The following PLD5 variants were observed in gnomAD, a reference collection of about 807,000 sequenced individuals.
The protein encoded by PLD5 is phospholipase D family member 5.
Under a neutral mutation model 61.1 loss-of-function variants are expected in PLD5, and 36 were observed. That is an observed-to-expected ratio of 0.59 (90% CI 0.45 to 0.78). The LOEUF (loss-of-function observed/expected upper bound fraction) is 0.78, where lower values mean the gene tolerates loss of function less well. Among genes scored for constraint, PLD5 ranks in the 30% least tolerant of loss-of-function variants. The pLI, the probability that PLD5 is intolerant of heterozygous loss-of-function variation, is 0.00. For synonymous variants in PLD5, 243 were observed against 242.8 expected, an observed-to-expected ratio of 1.00 and a Z score of -0.01; for missense variants, 515 against 644.4, an observed-to-expected ratio of 0.80 and a Z score of 2.17.
At chr1:242,103,520 G>A (rs1660836211) in intron 8 of PLD5, among the ~76,000 whole-genome samples, 1 of 152,188 alleles carries the variant, frequency 6.6e-6, no homozygotes, top group South Asian at 2.1e-4. Context: ...GTATGCCACT[G>A]TAATTATCTG....
chr1:242,457,170 T>A (rs543048087), intron 1 of PLD5, among the ~76,000 whole-genome samples: 1 of 152,302 alleles, frequency 6.6e-6, no homozygotes, highest in East Asian at 1.9e-4. Flanking sequence ...TGGTCCAGCC[T>A]ATTGTAGTAA....
intron 5 of PLD5, among the ~76,000 whole-genome samples, chr1:242,182,759 C>A (rs1318461545): frequency 6.6e-6 from 1 of 152,224 alleles, no homozygotes; most frequent in Non-Finnish European, 1.5e-5. Flanking sequence ...ACAGGAATCT[C>A]TTGAACCCAG....
At chr1:242,099,131 AT>A (rs992409824) in intron 9 of PLD5, among the ~76,000 whole-genome samples, 8 of 151,318 alleles carry the variant, frequency 5.3e-5, no homozygotes, top group Admixed American at 4.6e-4. Flanking sequence ...TTTTATTTTT[AT>A]TTTTTTTGAG....
intron 4 of PLD5, among the ~76,000 whole-genome samples, chr1:242,241,868 A>AATATATATAT (rs1672030581): frequency 1.2e-5 from 1 of 84,798 alleles, no homozygotes; most frequent in African/African-American, 3.9e-5. Context: ...TGCTTTACTT[A>AATATATATAT]CTATATATAT....
At chr1:242,494,836 T>G (rs1192534967) in intron 1 of PLD5, among the ~76,000 whole-genome samples, 6 of 151,760 alleles carry the variant, frequency 4.0e-5, no homozygotes, top group Admixed American at 1.3e-4. Flanking sequence ...TAGTGGGCTA[T>G]TTGAAAATTG....
Position 242,265,378 on chromosome 1 carries a change from A to G in PLD5, c.566T>C (p.Val189Ala). The change falls in exon 4 of 10, where the codon GTA becomes GCA. Residue 189 changes from valine to alanine, a missense_variant. Val to Ala is a moderately conservative substitution (Grantham distance 64). Around this residue, in one of 2 missense-constraint regions of PLD5, gnomAD observed 450 missense variants for 598.1 expected, o/e 0.75. Coordinates refer to ENST00000536534, the MANE Select transcript of PLD5 (RefSeq NM_001372062.1). ...TTCTAATACCTTTGAATCAGCTGTTACATCACTCACTAGCTTGATTTCAAT... is the reference window on the plus strand; with the variant it reads ...TTCTAATACCTTTGAATCAGCTGTTGCATCACTCACTAGCTTGATTTCAAT... ...QNIEIKLVSD[V>A]TADSKVLEAL... The G allele has an allele frequency of 6.2e-7, 1 of 1,612,920 alleles. No individual in the cohort carries two copies. Among genetic ancestry groups the G allele is most frequent in the South Asian group, 1.1e-5 (1 of 90,648 alleles).
intron 4 of PLD5, among the ~76,000 whole-genome samples, chr1:242,242,002 T>G (rs1558388002): frequency 8.2e-6 from 1 of 121,960 alleles, no homozygotes; most frequent in African/African-American, 3.4e-5. Context: ...TATATATATA[T>G]ATATATATAG....
intron 5 of PLD5, among the ~76,000 whole-genome samples, chr1:242,198,070 CTGAA>C (rs58830670): frequency 0.039 from 5,921 of 150,454 alleles, 316 homozygotes; most frequent in African/African-American, 0.12. Context: ...CAAATCCTTG[CTGAA>C]TGAATGAATG....
At chr1:242,528,887 G>A (rs748196878), upstream of PLD5, among the ~76,000 whole-genome samples, 11 of 152,152 alleles carry the variant, frequency 7.2e-5, no homozygotes, top group Non-Finnish European at 1.5e-4. Context: ...GTGTAGTGTT[G>A]CCAAGTATTA....
chr1:242,139,612 C>T (rs1233882247), intron 5 of PLD5, among the ~76,000 whole-genome samples: 7 of 152,068 alleles, frequency 4.6e-5, no homozygotes, highest in Admixed American at 4.6e-4. Flanking sequence ...CACACGGGCT[C>T]CTCTCCCTGC....
In PLD5 at chr1:242,085,989, A is replaced by G. The variant is rs551599912; in HGVS notation, c.*3865T>C. The G allele has an allele frequency of 6.6e-6, 1 of 152,316 alleles. No homozygotes were observed. Among genetic ancestry groups the G allele is most frequent in the Admixed American group, 6.5e-5 (1 of 15,306 alleles). The allele number at this position is 152,316 out of a possible 1,614,324, so 9.4% of individuals were successfully genotyped here. ...TCCCCCCTTGGAATTTAGTTCAATA[A>G]AAGTTCCTAAAAACAAACAGAATGA... On this transcript the variant is annotated 3_prime_UTR_variant, in exon 10 of 10. Coordinates refer to ENST00000536534, the MANE Select transcript of PLD5 (RefSeq NM_001372062.1).
intron 4 of PLD5, among the ~76,000 whole-genome samples, chr1:242,238,125 C>T (rs1262528952): frequency 1.3e-5 from 2 of 152,104 alleles, no homozygotes; most frequent in African/African-American, 4.8e-5. Flanking sequence ...GACTGATATA[C>T]TTCATATTCA....
At chr1:242,397,758 T>C (rs1663677926) in intron 1 of PLD5, among the ~76,000 whole-genome samples, 1 of 149,450 alleles carries the variant, frequency 6.7e-6, no homozygotes, top group Admixed American at 6.9e-5. Flanking sequence ...TGGAGCTTCT[T>C]AGCACGTCTT....
intron 1 of PLD5, among the ~76,000 whole-genome samples, chr1:242,417,815 T>G (rs1026055608): frequency 6.6e-6 from 1 of 152,082 alleles, no homozygotes; most frequent in African/African-American, 2.4e-5. Flanking sequence ...GGAGGTGATA[T>G]GGGATAGAGC....
At chr1:242,442,262 T>G (rs1465027334) in intron 1 of PLD5, among the ~76,000 whole-genome samples, 1 of 152,180 alleles carries the variant, frequency 6.6e-6, no homozygotes, top group African/African-American at 2.4e-5. Context: ...CTTCACATAC[T>G]CATTGTCATG....
intron 1 of PLD5, among the ~76,000 whole-genome samples, chr1:242,435,971 T>C (rs771598919): frequency 4.6e-5 from 7 of 152,286 alleles, no homozygotes; most frequent in Middle Eastern, 6.8e-3. Context: ...ACAAGTGCAA[T>C]GACCTGCACA....
chr1:242,297,907 G>A (rs541330699), intron 2 of PLD5, among the ~76,000 whole-genome samples: 1 of 152,090 alleles, frequency 6.6e-6, no homozygotes, highest in East Asian at 1.9e-4. Flanking sequence ...CCAAAGTGCT[G>A]GGATTACAGG....
In PLD5 at chr1:242,377,249, G is replaced by A. The variant is rs1462141329; in HGVS notation, c.190-29007C>T. The A allele has an allele frequency of 3.1e-6, 5 of 1,610,716 alleles. No homozygotes were observed. In the South Asian group the frequency reaches 4.4e-5, roughly 14 times the overall value. On this transcript the variant is annotated intron_variant, in intron 1 of 9. Coordinates refer to ENST00000536534, the MANE Select transcript of PLD5 (RefSeq NM_001372062.1). ...AAGAACCATCCGATTTGTGCTGAGG[G>A]ACGTGTTCGTGGAACTGCAGCAGGT...
At chr1:242,508,211 A>C (rs1668790637) in intron 1 of PLD5, among the ~76,000 whole-genome samples, 1 of 143,218 alleles carries the variant, frequency 7.0e-6, no homozygotes, top group African/African-American at 2.8e-5. Flanking sequence ...TAAAAATACA[A>C]AAAAAAAAAA....
Sources: gnomAD v4.1 joint callset for allele counts (sites outside exome capture counted in the v4.1 genomes callset) on GRCh38, gnomAD v4.1.1 for gene constraint, gnomAD v4.1.1 regional missense constraint, MANE v1.5 for transcripts, NCBI Gene and HGNC (gene_info 2026-07-23, HGNC 2026-07-21) for gene names.